EIF3G: variants seen among roughly 807,000 people sequenced by gnomAD.
EIF3G encodes the protein eukaryotic translation initiation factor 3 RNA-binding subunit.
EIF3G carries 10 observed loss-of-function variants against 41.7 expected under a neutral mutation model. The observed-to-expected ratio is 0.24, with a 90% CI of 0.15 to 0.41. EIF3G has a LOEUF of 0.41. Ranked by LOEUF, EIF3G falls within the 10% of genes least tolerant of loss-of-function variation. EIF3G has a pLI of 1.00. For missense variants in EIF3G, 297 were observed against 444.0 expected, an observed-to-expected ratio of 0.67 and a Z score of 2.98; for synonymous variants, 204 against 172.5, an observed-to-expected ratio of 1.18 and a Z score of -1.43.
intron 2 of EIF3G, 200 bp downstream of exon 2, chr19:10,119,454 C>G: frequency 1.3e-6 from 1 of 768,346 alleles, no homozygotes; most frequent in Non-Finnish European, 2.2e-6. Context: ...AGGGGAACAG[C>G]TGGGAGGCAG....
rs773964286 is a variant in EIF3G at position 10,115,960 on chromosome 19, C to T, written c.703+7G>A. The T allele has an allele frequency of 3.1e-6, 5 of 1,612,738 alleles. 1 individual carries two copies. The South Asian group carries it at 5.5e-5, about 18-fold the overall frequency. On this transcript the variant is annotated splice_region_variant and intron_variant, in intron 8 of 10. Coordinates refer to ENST00000253108, the MANE Select transcript of EIF3G (RefSeq NM_003755.5). ...ACCCACCAGCCTGGCGTCGGGGTGC[C>T]CCTCACCTCTGCGGTTGGGCTGCAT...
Position 10,116,176 on chromosome 19 carries a change from ACT to A in EIF3G, c.596-104_596-103del. ...GCTTCAGTGTTGAGCCAGCGCAGGC[ACT>A]GTGTGCCAAACCACAGGCAGCCAGT... On this transcript the variant is annotated intron_variant, in intron 7 of 10. Transcript: ENST00000253108. The surrounding 1 kb of genome is among the most constrained non-coding windows in gnomAD (Gnocchi z 4.1). 1 of 1,206,086 alleles carries A rather than the reference ACT, an allele frequency of 8.3e-7. No homozygotes were observed. The allele number at this position is 1,206,086 out of a possible 1,614,324, so 74.7% of individuals were successfully genotyped here. A position where few individuals can be genotyped will look rare whatever the true frequency, so the allele number is the denominator to read the frequency against.
Position 10,115,022 on chromosome 19 carries a change from G to C in EIF3G, c.*92C>G, listed in dbSNP as rs2089213952. The C allele has an allele frequency of 7.6e-6, 12 of 1,571,738 alleles. No individual in the cohort carries two copies. In the East Asian group the frequency reaches 1.4e-4, roughly 18 times the overall value. On this transcript the variant is annotated 3_prime_UTR_variant, in exon 11 of 11. Transcript: ENST00000253108. ...GAACAAAAAGAACCAAGTAGAGAGA[G>C]TGGAGCTGCTTTATTGCCCTTGGAG...
chr19:10,116,217 A>G lies in EIF3G; in HGVS notation c.596-143T>C, dbSNP rs2089246719. On this transcript the variant is annotated intron_variant, in intron 7 of 10. Transcript: ENST00000253108. This position sits in a 1 kb window ranked among gnomAD's most constrained non-coding sequence, Gnocchi z 4.1. The stretch of plus-strand genomic sequence containing the variant: ...CAGGCAGCCAGTTGGCCACGAGGAC[A>G]CCAAGGTGACACCTGAGAAGCTGAC... 1.4e-6 allele frequency: 1 copy of G among 734,442 alleles called. No individual in the cohort carries two copies. 45.5% of individuals were successfully genotyped at this position (734,442 alleles called of 1,614,324 possible).
intron 5 of EIF3G, chr19:10,117,654 G>A (rs1005174572): frequency 3.8e-5 from 6 of 158,322 alleles, no homozygotes; most frequent in African/African-American, 1.4e-4. Context: ...TTACAATTAA[G>A]TGCACAGCAA....
intron 10 of EIF3G, 157 bp downstream of exon 10, chr19:10,115,322 C>A: frequency 9.0e-7 from 1 of 1,112,582 alleles, no homozygotes; most frequent in Non-Finnish European, 1.3e-6. Context: ...AGCTGCCACC[C>A]CTCTGCCCGG....
rs1168926324 is a variant in EIF3G, at chr19:10,116,769, C to T, written c.595+31G>A. 3 of 1,539,824 alleles carry T rather than the reference C, an allele frequency of 1.9e-6. No individual in the cohort carries two copies. Among genetic ancestry groups the T allele is most frequent in the Non-Finnish European group, 2.6e-6 (3 of 1,142,230 alleles). On this transcript the variant is annotated intron_variant, in intron 7 of 10. Transcript: ENST00000253108. The surrounding 1 kb of genome is among the most constrained non-coding windows in gnomAD (Gnocchi z 4.1). The stretch of plus-strand genomic sequence containing the variant: ...GGCAGCAGTGGGGACAGAACCCGTG[C>T]ACTGACAGCAGGACCCTCCCACCCC...
At chr19:10,117,550 A>C in intron 5 of EIF3G, 1 of 235,490 alleles carries the variant, frequency 4.2e-6, no homozygotes, top group Non-Finnish European at 8.2e-6. Flanking sequence ...TTCCTCCCTT[A>C]TAAAACGGGA....
Position 10,118,870 on chromosome 19 carries a change from T to C in EIF3G, c.238A>G (p.Lys80Glu). Residue 80 changes from lysine to glutamate, a missense_variant and splice_region_variant, in exon 4 of 11, where the codon AAG becomes GAG. This residue lies in a region of EIF3G where 147 missense variants were observed against 162.4 expected (regional missense o/e 0.91). Transcript: ENST00000253108. Reference protein sequence around the residue: ...YKIDEDGKKFKIVRTFRIETR... With the variant: ...YKIDEDGKKFEIVRTFRIETR... ...CTCCCTGCACCCCCCACCCTCACCT[T>C]GAACTTCTTGCCATCCTCATCTATC... 6.2e-7 allele frequency: 1 copy of C among 1,613,950 alleles called. No individual in the cohort carries two copies. The highest frequency in any genetic ancestry group is 8.5e-7 in the Non-Finnish European group (1 of 1,179,938).
chr19:10,118,974 A>G lies in EIF3G; in HGVS notation c.152-18T>C. ...CAGTGGAGCTGGCAGAAGGGGAAAA[A>G]CAGAGAAAGACTGAGCCCTGGGTCA... is the stretch of plus-strand genomic sequence containing the variant. On this transcript the variant is annotated intron_variant, in intron 3 of 10. Coordinates refer to ENST00000253108, the MANE Select transcript of EIF3G (RefSeq NM_003755.5). 1.9e-6 allele frequency: 3 copies of G among 1,613,998 alleles called. No individual in the cohort carries two copies. Among genetic ancestry groups the G allele is most frequent in the Non-Finnish European group, 2.5e-6 (3 of 1,179,982 alleles).
At chr19:10,115,458 G>A (rs1362239462) in intron 10 of EIF3G, 21 bp downstream of exon 10, 1 of 1,591,400 alleles carries the variant, frequency 6.3e-7, no homozygotes, top group East Asian at 2.2e-5. Context: ...AGCAGGGGCT[G>A]GGGCAGGGAT....
Position 10,115,474 on chromosome 19 carries a change from C to A in EIF3G, c.947+5G>T, listed in dbSNP as rs1239346177. On this transcript the variant is annotated splice_donor_5th_base_variant and intron_variant, in intron 10 of 10. Transcript: ENST00000253108. ...GCAGGGGCTGGGGCAGGGATGGAGT[C>A]TTACTTGGCCCACTCGACGTTGAGG... 1 of 1,604,030 alleles carries A rather than the reference C, an allele frequency of 6.2e-7. No homozygotes were observed. Among genetic ancestry groups the A allele is most frequent in the Non-Finnish European group, 8.5e-7 (1 of 1,173,918 alleles).
intron 2 of EIF3G, 110 bp from the exon 3 acceptor site, chr19:10,119,281 G>A (rs1293013711): frequency 7.9e-7 from 1 of 1,265,458 alleles, no homozygotes; most frequent in East Asian, 2.5e-5. Context: ...AGAAAGGCAG[G>A]CCAAGGGCAG....
Position 10,115,801 on chromosome 19 carries a change from G to A in EIF3G, c.723C>T (p.Ile241=). ...PNRRADDNAT[I]RVTNLSEDTR... is the part of the protein sequence containing the mutation. ...TGTCCTCTGACAAGTTGGTGACACG[G>A]ATGGTGGCGTTGTCGTCGGCTGTGT... Residue 241 remains isoleucine, a synonymous_variant, in exon 9 of 11, where the codon ATC becomes ATT. Transcript: ENST00000253108. 6.2e-7 allele frequency: 1 copy of A among 1,613,534 alleles called. No homozygotes were observed.
chr19:10,116,768 G>A lies in EIF3G; in HGVS notation c.595+32C>T, dbSNP rs1307203697. On this transcript the variant is annotated intron_variant, in intron 7 of 10. Coordinates refer to ENST00000253108, the MANE Select transcript of EIF3G (RefSeq NM_003755.5). The surrounding 1 kb of genome is among the most constrained non-coding windows in gnomAD (Gnocchi z 4.1). ...AGGCAGCAGTGGGGACAGAACCCGT[G>A]CACTGACAGCAGGACCCTCCCACCC... 3 of 1,538,810 alleles carry A rather than the reference G, an allele frequency of 1.9e-6. No individual in the cohort carries two copies. Among genetic ancestry groups the A allele is most frequent in the Admixed American group, 1.9e-5 (1 of 52,200 alleles).
At chr19:10,117,291 C>T in intron 5 of EIF3G, 103 bp from the exon 6 acceptor site, 2 of 789,210 alleles carry the variant, frequency 2.5e-6, no homozygotes, top group Non-Finnish European at 4.1e-6. Flanking sequence ...GTGTCTGGGC[C>T]TCAAACCCCA....
At chr19:10,117,495 C>A in intron 5 of EIF3G, 1 of 317,258 alleles carries the variant, frequency 3.2e-6, no homozygotes, top group Non-Finnish European at 5.8e-6. Context: ...TGCAGGGGTC[C>A]ACCTAGACCT....
At position 10,119,113 on chromosome 19, in the gene EIF3G, G is replaced by C; in HGVS notation, c.126C>G (p.Ser42Arg). ...KGIPLATGDT[S>R]PEPELLPGAP... is the part of the protein sequence containing the mutation. ...CTCCCGGCAGTAGCTCTGGCTCTGGGCTGGTGTCACCTGTGGCCAGAGGGA... is the reference window on the plus strand; with the variant it reads ...CTCCCGGCAGTAGCTCTGGCTCTGGCCTGGTGTCACCTGTGGCCAGAGGGA... The change falls in exon 3 of 11, where the codon AGC (serine) becomes AGG (arginine). Residue 42 changes from serine (S) to arginine (R), a missense_variant. Ser to Arg is a moderately radical substitution (Grantham distance 110). Coordinates refer to ENST00000253108, the MANE Select transcript of EIF3G (RefSeq NM_003755.5). The C allele has an allele frequency of 3.1e-6, 5 of 1,602,494 alleles. No individual in the cohort carries two copies. The highest frequency in any genetic ancestry group is 4.3e-6 in the Non-Finnish European group (5 of 1,173,998).
In EIF3G at chr19:10,118,653, G is replaced by T; in HGVS notation, c.300+15C>A. On this transcript the variant is annotated intron_variant, in intron 5 of 10. Coordinates refer to ENST00000253108, the MANE Select transcript of EIF3G (RefSeq NM_003755.5). ...CCAATTCCTCTAGGTTAGCCCTGGG[G>T]AAGAAGAGCCTCACCTTCCTCCTTG... 2 of 1,613,954 alleles carry T rather than the reference G, an allele frequency of 1.2e-6. No homozygotes were observed. Among genetic ancestry groups the T allele is most frequent in the Non-Finnish European group, 1.7e-6 (2 of 1,179,970 alleles).
Sources: allele counts gnomAD v4.1 joint callset, GRCh38; gene constraint gnomAD v4.1.1; regional missense constraint gnomAD v4.1.1; non-coding constraint Gnocchi (gnomAD v3.1); transcripts MANE v1.5; gene names NCBI Gene and HGNC (gene_info 2026-07-23, HGNC 2026-07-21).